The following DDX10 variants were observed in gnomAD, a reference collection of about 807,000 sequenced individuals.
DDX10 encodes probable ATP-dependent RNA helicase DDX10.
A neutral mutation model predicts 104.3 loss-of-function variants in DDX10; 74 were observed. The observed-to-expected ratio is 0.71, with a 90% CI of 0.59 to 0.86. The LOEUF (loss-of-function observed/expected upper bound fraction) is 0.86. Ranked by LOEUF, DDX10 falls within the 40% of genes least tolerant of loss-of-function variation. The pLI is 0.00. For synonymous variants in DDX10, 351 were observed against 353.4 expected, an observed-to-expected ratio of 0.99 and a Z score of 0.08; for missense variants, 952 against 1,040.0, an observed-to-expected ratio of 0.92 and a Z score of 1.16.
At chr11:108,894,498 C>T (rs1272392242) in intron 16 of DDX10, among the ~76,000 whole-genome samples, 5 of 151,806 alleles carry the variant, frequency 3.3e-5, no homozygotes, top group Admixed American at 2.0e-4. Context: ...ATGTGTAATT[C>T]GGATGAATTA....
At chr11:108,667,693 G>A (rs979219668) in intron 1 of DDX10, among the ~76,000 whole-genome samples, 2 of 152,160 alleles carry the variant, frequency 1.3e-5, no homozygotes, top group East Asian at 3.9e-4. Flanking sequence ...CATGCTTCTT[G>A]TGCTTCTCAT....
At chr11:108,864,461 A>G (rs1164439830) in intron 16 of DDX10, among the ~76,000 whole-genome samples, 1 of 151,460 alleles carries the variant, frequency 6.6e-6, no homozygotes, top group Non-Finnish European at 1.5e-5. Flanking sequence ...TATGTATAGA[A>G]TATGTAGAAT....
chr11:108,750,964 T>A lies in DDX10; in HGVS notation c.1965+27502T>A, dbSNP rs867529331. Among the ~76,000 whole-genome samples, 838 of 100,954 alleles carry A rather than the reference T, an allele frequency of 8.3e-3. 4 individuals are homozygous for A. Among genetic ancestry groups the A allele is most frequent in the Middle Eastern group, 0.018 (3 of 166 alleles). The allele number at this position is 100,954 out of a possible 152,430, so 66.2% of individuals were successfully genotyped here. On this transcript the variant is annotated intron_variant, in intron 13 of 17. Coordinates refer to ENST00000322536, the MANE Select transcript of DDX10 (RefSeq NM_004398.4). ...TTTTTTTTTTTTTTTTTTTTTTTTTTAGAGATGGGCTTTCACTATGTTGCC... is the reference window on the plus strand; with the variant it reads ...TTTTTTTTTTTTTTTTTTTTTTTTTAAGAGATGGGCTTTCACTATGTTGCC...
intron 16 of DDX10, among the ~76,000 whole-genome samples, chr11:108,910,691 C>CT: frequency 6.6e-6 from 1 of 151,142 alleles, no homozygotes; most frequent in South Asian, 2.1e-4. Context: ...AAATACTCCC[C>CT]CTTTCTGCCC....
chr11:108,738,248 G>GA (rs1253262372), intron 13 of DDX10, among the ~76,000 whole-genome samples: 5 of 49,602 alleles, frequency 1.0e-4, no homozygotes, highest in Non-Finnish European at 2.5e-4. Flanking sequence ...TTCTGAGACT[G>GA]AACTTTTTTT....
At chr11:108,886,151 A>C (rs928526494) in intron 16 of DDX10, among the ~76,000 whole-genome samples, 2 of 152,204 alleles carry the variant, frequency 1.3e-5, no homozygotes, top group African/African-American at 2.4e-5. Flanking sequence ...GGAAGGGTAT[A>C]TGATTCATTC....
At position 108,675,683 on chromosome 11, in the gene DDX10, C is replaced by G. The variant is rs781279474; in HGVS notation, c.335C>G (p.Ala112Gly). The change falls in exon 3 of 18, where the codon GCG (alanine) becomes GGG (glycine). Residue 112 changes from alanine (A) to glycine (G), a missense_variant. By Grantham distance (60) the Ala-to-Gly change is moderately conservative (BLOSUM62 0). Around this residue, in one of 3 missense-constraint regions of DDX10, gnomAD observed 412 missense variants for 479.2 expected, o/e 0.86. Coordinates refer to ENST00000322536, the MANE Select transcript of DDX10 (RefSeq NM_004398.4). ...LALQGKDVLG[A>G]AKTGSGKTLA... ...TTGCAAGGTAAAGATGTACTTGGAG[C>G]GGCCAAAACTGGATCTGGCAAGACT... 1 of 1,614,008 alleles carries G rather than the reference C, an allele frequency of 6.2e-7. No homozygotes were observed. The highest frequency in any genetic ancestry group is 8.5e-7 in the Non-Finnish European group (1 of 1,180,012).
At chr11:108,818,107 A>G (rs1043606541) in intron 13 of DDX10, among the ~76,000 whole-genome samples, 1 of 152,232 alleles carries the variant, frequency 6.6e-6, no homozygotes, top group Admixed American at 6.5e-5. Context: ...AGATATTCAC[A>G]CACATTCCTA....
intron 17 of DDX10, among the ~76,000 whole-genome samples, chr11:108,922,795 G>A (rs77291034): frequency 0.01 from 1,557 of 152,288 alleles, 24 homozygotes; most frequent in African/African-American, 0.036. Flanking sequence ...AGAAAATTAT[G>A]TGACTTTGGG....
At chr11:108,933,264 A>T (rs1274894423) in intron 17 of DDX10, among the ~76,000 whole-genome samples, 12 of 152,034 alleles carry the variant, frequency 7.9e-5, no homozygotes, top group Non-Finnish European at 1.3e-4. Context: ...AGCCTGCGGG[A>T]TGGGAAATTT....
intron 13 of DDX10, among the ~76,000 whole-genome samples, chr11:108,814,979 T>G (rs532334006): frequency 6.6e-6 from 1 of 152,230 alleles, no homozygotes; most frequent in African/African-American, 2.4e-5. Context: ...GAAAGACTTA[T>G]GTTATCGACA....
At chr11:108,676,011 G>T (rs763794871) in intron 3 of DDX10, among the ~76,000 whole-genome samples, 1 of 152,214 alleles carries the variant, frequency 6.6e-6, no homozygotes, top group African/African-American at 2.4e-5. Context: ...GAGTGCTCCA[G>T]TATGGCAGGT....
chr11:108,875,887 G>GT (rs980676409), intron 16 of DDX10, among the ~76,000 whole-genome samples: 37 of 152,122 alleles, frequency 2.4e-4, no homozygotes, highest in Admixed American at 7.2e-4. Context: ...GGGTTTCACT[G>GT]TTTTCATACA....
intron 9 of DDX10, among the ~76,000 whole-genome samples, 172 bp downstream of exon 9, chr11:108,693,772 T>C (rs1295027725): frequency 6.6e-6 from 1 of 152,236 alleles, no homozygotes; most frequent in African/African-American, 2.4e-5. Context: ...TGATTAGTGC[T>C]GCAAAAAATC....
chr11:108,839,013 T>C (rs1305548195), intron 14 of DDX10, among the ~76,000 whole-genome samples: 2 of 152,218 alleles, frequency 1.3e-5, no homozygotes, highest in African/African-American at 2.4e-5. Context: ...CTCTGCTTTA[T>C]AAAGTAGTCT....
chr11:108,931,833 A>G (rs1323248978), intron 17 of DDX10, among the ~76,000 whole-genome samples: 1 of 150,106 alleles, frequency 6.7e-6, no homozygotes, highest in Non-Finnish European at 1.5e-5. Context: ...GTTATCCACA[A>G]GGTTATTGTG....
At chr11:108,739,701 T>C (rs2094322769) in intron 13 of DDX10, among the ~76,000 whole-genome samples, 1 of 152,190 alleles carries the variant, frequency 6.6e-6, no homozygotes, top group Non-Finnish European at 1.5e-5. Flanking sequence ...GTATCAGGAA[T>C]ATAAAGGATT....
At chr11:108,764,960 G>A (rs2094354817) in intron 13 of DDX10, among the ~76,000 whole-genome samples, 1 of 152,098 alleles carries the variant, frequency 6.6e-6, no homozygotes, top group Non-Finnish European at 1.5e-5. Context: ...CTTATTTAAT[G>A]ACAACATGCA....
At chr11:108,939,173 A>C (rs1202348995) in intron 17 of DDX10, among the ~76,000 whole-genome samples, 1 of 152,216 alleles carries the variant, frequency 6.6e-6, no homozygotes, top group African/African-American at 2.4e-5. Flanking sequence ...GTGTTAACTA[A>C]AGGTCTGACT....
Sources: gnomAD v4.1 joint callset for allele counts (sites outside exome capture counted in the v4.1 genomes callset) on GRCh38, gnomAD v4.1.1 for gene constraint, gnomAD v4.1.1 regional missense constraint, MANE v1.5 for transcripts, NCBI Gene and HGNC (gene_info 2026-07-23, HGNC 2026-07-21) for gene names.